The following RIMBP2 variants were observed in gnomAD, a reference collection of about 807,000 sequenced individuals.
RIMBP2 encodes RIMS binding protein 2.
In RIMBP2, 48 loss-of-function variants were observed where a neutral mutation model predicts 118.6. The ratio of observed to expected loss-of-function variants is 0.40; its 90% CI spans 0.32 to 0.51. The LOEUF (loss-of-function observed/expected upper bound fraction) is 0.51. RIMBP2 is among the 20% of genes least tolerant of loss of function. The pLI is 0.41. For missense variants in RIMBP2, 1,551 were observed against 1,768.3 expected (o/e 0.88, Z 2.20); for synonymous variants, 762 against 742.9 (o/e 1.03, Z -0.42).
At chr12:130,702,771 C>T (rs1461335934) in intron 1 of RIMBP2, among the ~76,000 whole-genome samples, 4 of 152,218 alleles carry the variant, frequency 2.6e-5, no homozygotes, top group Non-Finnish European at 5.9e-5. Flanking sequence ...TGATCCTGAT[C>T]GGAATCTTGG....
At chr12:130,564,300 T>C (rs572582906) in intron 2 of RIMBP2, among the ~76,000 whole-genome samples, 3 of 142,960 alleles carry the variant, frequency 2.1e-5, no homozygotes, top group South Asian at 2.5e-4. Flanking sequence ...CCTTCCTCCT[T>C]ATTTTATTTC....
chr12:130,487,518 C>T (rs1358172678), intron 4 of RIMBP2, among the ~76,000 whole-genome samples: 2 of 152,308 alleles, frequency 1.3e-5, no homozygotes, highest in East Asian at 1.9e-4. Context: ...TGAGGCCTCA[C>T]CAGAAGCTGA....
intron 1 of RIMBP2, among the ~76,000 whole-genome samples, chr12:130,679,579 C>T (rs1185035077): frequency 1.3e-5 from 2 of 152,108 alleles, no homozygotes; most frequent in African/African-American, 2.4e-5. Context: ...TCTGATGGTG[C>T]GGGTGCAGGT....
intron 1 of RIMBP2, among the ~76,000 whole-genome samples, chr12:130,685,933 G>C (rs2065020341): frequency 6.6e-6 from 1 of 152,102 alleles, no homozygotes; most frequent in South Asian, 2.1e-4. Context: ...GGTCCGCCCA[G>C]GCCCGCCCCC....
intron 11 of RIMBP2, among the ~76,000 whole-genome samples, chr12:130,438,832 G>A (rs1247739531): frequency 3.3e-5 from 5 of 152,138 alleles, no homozygotes; most frequent in Non-Finnish European, 7.4e-5. Flanking sequence ...TGACCCGGCA[G>A]AGCTACCTCT....
chr12:130,706,211 G>A (rs529133430), intron 1 of RIMBP2, among the ~76,000 whole-genome samples: 1 of 152,272 alleles, frequency 6.6e-6, no homozygotes, highest in East Asian at 1.9e-4. Context: ...CACCCCTTCT[G>A]CCGTCCCCAT....
At chr12:130,444,041 G>A (rs1269760915) in intron 10 of RIMBP2, among the ~76,000 whole-genome samples, 1 of 152,218 alleles carries the variant, frequency 6.6e-6, no homozygotes, top group Non-Finnish European at 1.5e-5. Context: ...ATCCCTGCCT[G>A]CAAAGAGGCT....
intron 1 of RIMBP2, among the ~76,000 whole-genome samples, chr12:130,643,648 G>A (rs1002271568): frequency 2.0e-5 from 3 of 152,214 alleles, no homozygotes; most frequent in African/African-American, 7.2e-5. Flanking sequence ...CACCCAGGCT[G>A]CACTCTGCGG....
At chr12:130,583,178 G>A (rs1418165994) in intron 2 of RIMBP2, among the ~76,000 whole-genome samples, 2 of 152,134 alleles carry the variant, frequency 1.3e-5, no homozygotes, top group African/African-American at 4.8e-5. Context: ...GCAAAGGCAA[G>A]GCCCAACACT....
Position 130,442,338 on chromosome 12 carries a change from C to G in RIMBP2, c.1014G>C (p.Ala338=), listed in dbSNP as rs766324147. The G allele has an allele frequency of 1.1e-5, 18 of 1,614,068 alleles. No individual in the cohort carries two copies. ...KSVIVGWEPP[A]VPPGWGTVSS... Reference sequence around the variant, plus strand: ...TCACCGTTCCCCATCCTGGTGGCACCGCCGGGGGCTCCCAGCCCACAATAA... The same window carrying G: ...TCACCGTTCCCCATCCTGGTGGCACGGCCGGGGGCTCCCAGCCCACAATAA... The change falls in exon 11 of 23, where the codon GCG becomes GCC. Residue 338 remains alanine, a synonymous_variant. Coordinates refer to ENST00000690449, the MANE Select transcript of RIMBP2 (RefSeq NM_001393629.1). This position sits in a 1 kb window ranked among gnomAD's most constrained non-coding sequence, Gnocchi z 6.9.
At chr12:130,491,219 A>ATT (rs1433903780) in intron 4 of RIMBP2, among the ~76,000 whole-genome samples, 3 of 152,216 alleles carry the variant, frequency 2.0e-5, no homozygotes, top group Non-Finnish European at 2.9e-5. Flanking sequence ...CGCTTGAAGC[A>ATT]GGTGATATTT....
At chr12:130,449,773 G>A (rs573290155) in intron 9 of RIMBP2, among the ~76,000 whole-genome samples, 1 of 152,258 alleles carries the variant, frequency 6.6e-6, no homozygotes, top group Non-Finnish European at 1.5e-5. Context: ...ACAAAGACAG[G>A]GAGGGCGAGG....
intron 1 of RIMBP2, among the ~76,000 whole-genome samples, chr12:130,689,750 G>A (rs936873333): frequency 1.3e-5 from 2 of 152,178 alleles, no homozygotes; most frequent in South Asian, 2.1e-4. Context: ...CCCGCGAGTG[G>A]AGGACCCAGT....
intron 6 of RIMBP2, among the ~76,000 whole-genome samples, chr12:130,459,036 C>T (rs2079717193): frequency 8.4e-6 from 1 of 119,446 alleles, no homozygotes; most frequent in African/African-American, 3.0e-5. Flanking sequence ...AAGAGTGACA[C>T]TCTGTCTCAA....
At chr12:130,574,390 T>A (rs2057929926) in intron 2 of RIMBP2, among the ~76,000 whole-genome samples, 1 of 152,106 alleles carries the variant, frequency 6.6e-6, no homozygotes, top group Non-Finnish European at 1.5e-5. Flanking sequence ...TATTCTCCAG[T>A]CAGCCTAAGA....
Position 130,437,278 on chromosome 12 carries a change from A to G in RIMBP2, c.1670T>C (p.Ile557Thr). 1.9e-6 allele frequency: 3 copies of G among 1,578,174 alleles called. No individual in the cohort carries two copies. The highest frequency in any genetic ancestry group is 1.1e-5 in the South Asian group (1 of 88,010). ...GGCCGTGCTGTCTGCCGTGGGGAAG[A>G]TGACTTCAGCCACCTGTGGACAAGC... Reference protein sequence around the residue: ...YAKGQRVAEVIFPTADSTAVE... With the variant: ...YAKGQRVAEVTFPTADSTAVE... Residue 557 changes from isoleucine to threonine, a missense_variant, in exon 13 of 23, where the codon ATC becomes ACC. By Grantham distance (89) the Ile-to-Thr change is moderately conservative (BLOSUM62 -1). Coordinates refer to ENST00000690449, the MANE Select transcript of RIMBP2 (RefSeq NM_001393629.1).
rs115769908 is a variant in RIMBP2 at position 130,620,220 on chromosome 12, A to T, written c.-217+8102T>A. ...AAGACCGAAGTGGTGGCAGTTAAAC[A>T]ATCAGTCCCCTGAATTTAAATCTTG... On this transcript the variant is annotated intron_variant, in intron 2 of 22. Transcript: ENST00000690449. The surrounding 1 kb of genome is among the most constrained non-coding windows in gnomAD (Gnocchi z 5.3). Among the ~76,000 whole-genome samples the T allele has an allele frequency of 5.6e-3, 846 of 152,244 alleles. 9 individuals carry two copies. The highest frequency in any genetic ancestry group is 0.019 in the African/African-American group (790 of 41,532).
intron 1 of RIMBP2, among the ~76,000 whole-genome samples, chr12:130,682,435 A>T (rs1167364334): frequency 6.6e-6 from 1 of 152,242 alleles, no homozygotes; most frequent in Non-Finnish European, 1.5e-5. Context: ...GAGCCCCCAG[A>T]GTTCCTGGAT....
chr12:130,401,451 A>C (rs1235245223), intron 21 of RIMBP2, among the ~76,000 whole-genome samples: 1 of 151,934 alleles, frequency 6.6e-6, no homozygotes, highest in Non-Finnish European at 1.5e-5. Flanking sequence ...TTATCACAAA[A>C]ATTAATTGGA....
Sources: gnomAD v4.1 joint callset for allele counts (sites outside exome capture counted in the v4.1 genomes callset) on GRCh38, gnomAD v4.1.1 for gene constraint, Gnocchi (gnomAD v3.1) non-coding constraint, MANE v1.5 for transcripts, NCBI Gene and HGNC (gene_info 2026-07-23, HGNC 2026-07-21) for gene names.